PNPLA1: variants seen among roughly 807,000 people sequenced by gnomAD.
The protein encoded by PNPLA1 is omega-hydroxyceramide transacylase.
A neutral mutation model predicts 51.7 loss-of-function variants in PNPLA1; 36 were observed. The ratio of observed to expected loss-of-function variants is 0.70; its 90% CI spans 0.53 to 0.92. PNPLA1 has a LOEUF of 0.92. PNPLA1 is among the 40% of genes least tolerant of loss of function. The probability of loss-of-function intolerance (pLI) is 0.00; values close to 1 mark genes in which losing one functional copy is unlikely to be tolerated. For synonymous variants in PNPLA1, 293 were observed against 280.1 expected, an observed-to-expected ratio of 1.05 and a Z score of -0.46; for missense variants, 658 against 682.5, an observed-to-expected ratio of 0.96 and a Z score of 0.40.
intron 5 of PNPLA1, among the ~76,000 whole-genome samples, chr6:36,297,243 T>C (rs1213512427): frequency 6.6e-6 from 1 of 152,244 alleles, no homozygotes; most frequent in East Asian, 1.9e-4. Flanking sequence ...TTTTGCTTCC[T>C]CTTCCGATTT....
chr6:36,274,392 G>A (rs57799830), intron 1 of PNPLA1, among the ~76,000 whole-genome samples: 23,432 of 152,094 alleles, frequency 0.15, 3,205 homozygotes, highest in African/African-American at 0.35. Flanking sequence ...CAGACCTGAC[G>A]TGGGTAAGGG....
At chr6:36,285,832 C>G (rs2127339102) in intron 1 of PNPLA1, among the ~76,000 whole-genome samples, 1 of 152,310 alleles carries the variant, frequency 6.6e-6, no homozygotes, top group East Asian at 1.9e-4. Context: ...TTTCTAGCCC[C>G]TCTTTCCCCC....
chr6:36,282,088 A>AGAAAGAAGGAAGGAAG (rs1554136580), intron 1 of PNPLA1, among the ~76,000 whole-genome samples: 46 of 98,860 alleles, frequency 4.7e-4, no homozygotes, highest in East Asian at 1.2e-3. Flanking sequence ...AAAGAAAGAA[A>AGAAAGAAGGAAGGAAG]GAAGGAAGGA....
At chr6:36,298,373 G>A (rs530244432) in intron 5 of PNPLA1, among the ~76,000 whole-genome samples, 2 of 152,270 alleles carry the variant, frequency 1.3e-5, no homozygotes, top group Admixed American at 6.5e-5. Flanking sequence ...ATGGAATGAC[G>A]GGATTGCATG....
At chr6:36,301,060 G>GTTTGT (rs923891146) in intron 5 of PNPLA1, among the ~76,000 whole-genome samples, 5 of 152,106 alleles carry the variant, frequency 3.3e-5, no homozygotes, top group Non-Finnish European at 7.3e-5. Flanking sequence ...AAACTGAATT[G>GTTTGT]TTTGTTTTCT....
chr6:36,291,583 C>CT, intron 2 of PNPLA1, 31 bp downstream of exon 2: 1 of 53,508 alleles, frequency 1.9e-5, no homozygotes, highest in Non-Finnish European at 3.6e-5. Flanking sequence ...GGGAGGGACA[C>CT]GGAGGGGGCG....
At chr6:36,307,820 A>G (rs1191548552) in intron 8 of PNPLA1, 108 bp downstream of exon 8, 43 of 1,391,668 alleles carry the variant, frequency 3.1e-5, no homozygotes, top group Non-Finnish European at 3.9e-5. Context: ...TAGGGGGTGC[A>G]GTGGGAGATT....
intron 5 of PNPLA1, among the ~76,000 whole-genome samples, chr6:36,301,288 G>A (rs998464147): frequency 1.3e-5 from 2 of 152,052 alleles, no homozygotes; most frequent in African/African-American, 4.8e-5. Context: ...AGCCTCAGCT[G>A]ATTACCTCCC....
intron 1 of PNPLA1, among the ~76,000 whole-genome samples, chr6:36,247,635 G>A (rs777455094): frequency 2.6e-5 from 4 of 152,192 alleles, no homozygotes; most frequent in Non-Finnish European, 5.9e-5. Context: ...AAAAGCAGAG[G>A]GGGGACGTTG....
intron 1 of PNPLA1, among the ~76,000 whole-genome samples, chr6:36,289,430 GC>G (rs1367214264): frequency 2.6e-5 from 4 of 152,158 alleles, no homozygotes; most frequent in Non-Finnish European, 4.4e-5. Flanking sequence ...GTTAGCTGCT[GC>G]CCTCCCTTGA....
rs1013356400 is a variant in PNPLA1 at position 36,302,229 on chromosome 6, A to G, written c.1144A>G (p.Ser382Gly). Residue 382 changes from serine to glycine, a missense_variant, in exon 6 of 9, where the codon AGC (serine) becomes GGC (glycine). By Grantham distance (56) the Ser-to-Gly change is moderately conservative (BLOSUM62 0). Coordinates refer to ENST00000636260, the MANE Select transcript of PNPLA1 (RefSeq NM_001374623.1). ...VSFPAVHKPP[S>G]STPGSSLPTP... ...ATTCCCAGCTGTGCACAAGCCACCCAGCTCCACACCTGGTTCATCACTGCC... is the reference window on the plus strand; with the variant it reads ...ATTCCCAGCTGTGCACAAGCCACCCGGCTCCACACCTGGTTCATCACTGCC... 1 of 1,614,032 alleles carries G rather than the reference A, an allele frequency of 6.2e-7. No homozygotes were observed. The highest frequency in any genetic ancestry group is 1.3e-5 in the African/African-American group (1 of 74,906).
At chr6:36,262,226 C>G (rs1025578497) in intron 1 of PNPLA1, among the ~76,000 whole-genome samples, 1 of 152,030 alleles carries the variant, frequency 6.6e-6, no homozygotes, top group Non-Finnish European at 1.5e-5. Context: ...CCACTTTCCC[C>G]TGTCCCCCAC....
intron 8 of PNPLA1, among the ~76,000 whole-genome samples, chr6:36,309,747 C>T (rs1437862734): frequency 6.6e-6 from 1 of 152,198 alleles, no homozygotes; most frequent in African/African-American, 2.4e-5. Context: ...GATGCTGAGC[C>T]TGCCTGGAGG....
intron 2 of PNPLA1, 145 bp downstream of exon 2, chr6:36,291,697 T>C: frequency 1.4e-6 from 1 of 725,874 alleles, no homozygotes; most frequent in Non-Finnish European, 2.3e-6. Flanking sequence ...AGAGTCTCGC[T>C]GTGCAAGGTG....
chr6:36,283,837 T>A lies in PNPLA1; in HGVS notation c.206-7483T>A, dbSNP rs113754681. On this transcript the variant is annotated intron_variant, in intron 1 of 8. Coordinates refer to ENST00000636260, the MANE Select transcript of PNPLA1 (RefSeq NM_001374623.1). ...TCACAGCTGTTGCATCATCCCAGTG[T>A]CCCCTTGGTAGTGCATGGAGAATCT... Among the ~76,000 whole-genome samples the A allele has an allele frequency of 4.9e-3, 749 of 152,166 alleles. 6 individuals are homozygous for A. The highest frequency in any genetic ancestry group is 0.017 in the African/African-American group (687 of 41,504).
At position 36,291,308 on chromosome 6, in the gene PNPLA1, C is replaced by A; in HGVS notation, c.206-12C>A. The A allele has an allele frequency of 6.2e-7, 1 of 1,611,542 alleles. No homozygotes were observed. The highest frequency in any genetic ancestry group is 8.5e-7 in the Non-Finnish European group (1 of 1,178,328). On this transcript the variant is annotated splice_polypyrimidine_tract_variant and intron_variant, in intron 1 of 8. Transcript: ENST00000636260. ...GGCACCGACCACCCCCTCTTCTCTG[C>A]TTCCTTTGCAGATGAGTATCTCAGA...
In PNPLA1 at chr6:36,302,286, C is replaced by T. The variant is rs542935417; in HGVS notation, c.1201C>T (p.Pro401Ser). 6.2e-7 allele frequency: 1 copy of T among 1,614,190 alleles called. No homozygotes were observed. Among genetic ancestry groups the T allele is most frequent in the Non-Finnish European group, 8.5e-7 (1 of 1,180,030 alleles). The change falls in exon 6 of 9, where the codon CCT (proline) becomes TCT (serine). Residue 401 changes from proline to serine, a missense_variant. Coordinates refer to ENST00000636260, the MANE Select transcript of PNPLA1 (RefSeq NM_001374623.1). ...ACCACCTGGACTGTCACCTCTGTCA[C>T]CTCAGCAGCAGGTACAACCGTCTGG... Reference protein sequence around the residue: ...TPPPGLSPLSPQQQVQPSGSP... With the variant: ...TPPPGLSPLSSQQQVQPSGSP...
intron 1 of PNPLA1, among the ~76,000 whole-genome samples, chr6:36,249,690 G>A (rs532598009): frequency 3.3e-5 from 5 of 152,306 alleles, no homozygotes; most frequent in African/African-American, 4.8e-5. Context: ...TCTAACTAAC[G>A]TTCTAGGATA....
intron 2 of PNPLA1, 27 bp downstream of exon 2, chr6:36,291,579 G>GC: frequency 6.8e-5 from 7 of 103,642 alleles, no homozygotes; most frequent in South Asian, 2.1e-4. Flanking sequence ...GGGAGGGAGG[G>GC]ACACGGAGGG....
Sources: gnomAD v4.1 joint callset for allele counts (sites outside exome capture counted in the v4.1 genomes callset) on GRCh38, gnomAD v4.1.1 for gene constraint, MANE v1.5 for transcripts, NCBI Gene and HGNC (gene_info 2026-07-23, HGNC 2026-07-21) for gene names.